KCNN3: variants seen among roughly 807,000 people sequenced by gnomAD.
KCNN3 encodes potassium calcium-activated channel subfamily N member 3, also known as small conductance calcium-activated potassium channel protein 3.
Under a neutral mutation model 62.9 loss-of-function variants are expected in KCNN3, and 16 were observed. The ratio of observed to expected loss-of-function variants is 0.25; its 90% CI spans 0.17 to 0.39. KCNN3 has a LOEUF of 0.39. Among genes scored for constraint, KCNN3 ranks in the 10% least tolerant of loss-of-function variants. The probability of loss-of-function intolerance (pLI) is 1.00; values close to 1 mark genes in which losing one functional copy is unlikely to be tolerated. For missense variants in KCNN3, 599 were observed against 949.4 expected, an observed-to-expected ratio of 0.63 and a Z score of 4.85; for synonymous variants, 370 against 389.2, an observed-to-expected ratio of 0.95 and a Z score of 0.58.
chr1:154,860,047 A>G (rs1489261139), intron 1 of KCNN3, among the ~76,000 whole-genome samples: 1 of 152,188 alleles, frequency 6.6e-6, no homozygotes, highest in African/African-American at 2.4e-5. Flanking sequence ...CACAAAGGGC[A>G]AGCCCTGGGC....
intron 6 of KCNN3, among the ~76,000 whole-genome samples, chr1:154,714,051 G>GGT (rs780964707): frequency 1.4e-4 from 10 of 73,966 alleles, no homozygotes; most frequent in South Asian, 4.4e-4. Flanking sequence ...GTGTGTGCGG[G>GGT]GTGTGTGTGT....
intron 3 of KCNN3, among the ~76,000 whole-genome samples, chr1:154,743,853 T>G (rs978556061): frequency 2.0e-5 from 3 of 152,220 alleles, no homozygotes; most frequent in Non-Finnish European, 2.9e-5. Context: ...GTTCAGTGCA[T>G]TTTCAACTTA....
At chr1:154,819,056 A>C (rs1481859824) in intron 2 of KCNN3, among the ~76,000 whole-genome samples, 1 of 152,186 alleles carries the variant, frequency 6.6e-6, no homozygotes, top group Non-Finnish European at 1.5e-5. Context: ...CCCAAAGGGG[A>C]GATGCGGCAG....
Position 154,827,323 on chromosome 1 carries a change from C to T in KCNN3, c.934-5139G>A, listed in dbSNP as rs137884387. 3.4e-3 allele frequency among the ~76,000 whole-genome samples: 519 copies of T among 152,218 alleles called. 3 individuals carry two copies. Among genetic ancestry groups the T allele is most frequent in the African/African-American group, 0.011 (468 of 41,526 alleles). ...GCCCCTCTTCCGCTAAAGGGAAGAC[C>T]GCATCACTGGTCGCTGTTCTCCATG... On this transcript the variant is annotated intron_variant, in intron 1 of 7. Coordinates refer to ENST00000271915, the MANE Select transcript of KCNN3 (RefSeq NM_002249.6).
chr1:154,864,702 A>T (rs554243829), intron 1 of KCNN3, among the ~76,000 whole-genome samples: 56 of 151,948 alleles, frequency 3.7e-4, no homozygotes, highest in Non-Finnish European at 8.8e-5. Flanking sequence ...CTTCACACCA[A>T]CTCCTCTCTG....
In KCNN3 at chr1:154,862,796, T is replaced by C. The variant is rs1445811835; in HGVS notation, c.933+6236A>G. Among the ~76,000 whole-genome samples the C allele has an allele frequency of 2.6e-5, 4 of 152,260 alleles. No homozygotes were observed. In the East Asian group the frequency reaches 7.7e-4, roughly 29 times the overall value. On this transcript the variant is annotated intron_variant, in intron 1 of 7. Transcript: ENST00000271915. The surrounding 1 kb of genome is among the most constrained non-coding windows in gnomAD (Gnocchi z 4.1). ...CTCCCGCCCTCCATCAAGCCCTTCC[T>C]GCCCAGCTCGTGGTAAAGTTCCTCC...
chr1:154,830,889 CA>C (rs1651354995), intron 1 of KCNN3, among the ~76,000 whole-genome samples: 1 of 152,182 alleles, frequency 6.6e-6, no homozygotes, highest in South Asian at 2.1e-4. Context: ...CCCAAAATAT[CA>C]AGTCAGACGG....
chr1:154,731,060 C>T (rs1232262575), intron 4 of KCNN3, among the ~76,000 whole-genome samples: 4 of 152,084 alleles, frequency 2.6e-5, no homozygotes, highest in Admixed American at 6.5e-5. Context: ...GGGAAAAGGT[C>T]GGTATTTTAA....
chr1:154,783,056 C>CA lies in KCNN3; in HGVS notation c.1030-10664dup, dbSNP rs1418178237. Among the ~76,000 whole-genome samples the CA allele has an allele frequency of 5.3e-4, 81 of 151,980 alleles. 1 individual carries two copies. Among genetic ancestry groups the CA allele is most frequent in the Middle Eastern group, 6.8e-3 (2 of 294 alleles). On this transcript the variant is annotated intron_variant, in intron 2 of 7. Transcript: ENST00000271915. ...TGAAACCCCATCTCTACTAAAAATA[C>CA]AAAAAAACTAGCCGGGCGTGGTGGT...
intron 1 of KCNN3, among the ~76,000 whole-genome samples, chr1:154,867,450 C>G (rs911876265): frequency 6.6e-6 from 1 of 152,164 alleles, no homozygotes; most frequent in African/African-American, 2.4e-5. Flanking sequence ...CTGGAGGACC[C>G]TCTGCCTGGA....
intron 3 of KCNN3, among the ~76,000 whole-genome samples, chr1:154,766,311 C>T (rs1017387833): frequency 1.0e-4 from 15 of 150,346 alleles, no homozygotes; most frequent in African/African-American, 3.4e-4. Context: ...TGGGCTCCTA[C>T]CAATTAAAAA....
chr1:154,733,278 A>G (rs1700637358), intron 3 of KCNN3, 134 bp from the exon 4 acceptor site: 1 of 926,384 alleles, frequency 1.1e-6, no homozygotes, highest in Non-Finnish European at 1.7e-6. Context: ...GCTCACACAG[A>G]TCTCTTTAGG....
At chr1:154,734,944 G>A (rs1011723868) in intron 3 of KCNN3, among the ~76,000 whole-genome samples, 1 of 152,152 alleles carries the variant, frequency 6.6e-6, no homozygotes, top group African/African-American at 2.4e-5. Context: ...GAATAATGAG[G>A]AAGCTTCAGT....
chr1:154,733,726 A>G (rs1387486347), intron 3 of KCNN3, among the ~76,000 whole-genome samples: 2 of 152,138 alleles, frequency 1.3e-5, no homozygotes, highest in African/African-American at 2.4e-5. Flanking sequence ...TGAGTCAGAC[A>G]GGGGCTTGTA....
chr1:154,831,092 T>C (rs1230918723), intron 1 of KCNN3, among the ~76,000 whole-genome samples: 1 of 152,242 alleles, frequency 6.6e-6, no homozygotes, highest in Non-Finnish European at 1.5e-5. Context: ...ATGTTTGCCA[T>C]GTGCCAGGCA....
intron 3 of KCNN3, 74 bp downstream of exon 3, chr1:154,771,901 C>A (rs780760816): frequency 4.6e-5 from 67 of 1,472,368 alleles, no homozygotes; most frequent in Non-Finnish European, 6.0e-5. Flanking sequence ...CCACATACTT[C>A]CTGGCACCCC....
At chr1:154,771,899 T>A in intron 3 of KCNN3, 76 bp downstream of exon 3, 1 of 1,463,580 alleles carries the variant, frequency 6.8e-7, no homozygotes, top group South Asian at 1.1e-5. Flanking sequence ...GACCACATAC[T>A]TCCTGGCACC....
chr1:154,767,545 C>T (rs1441835558), intron 3 of KCNN3, among the ~76,000 whole-genome samples: 1 of 152,256 alleles, frequency 6.6e-6, no homozygotes, highest in Non-Finnish European at 1.5e-5. Flanking sequence ...CACTGCACTG[C>T]TCAAGGCACG....
At chr1:154,829,612 G>A (rs1303051222) in intron 1 of KCNN3, among the ~76,000 whole-genome samples, 1 of 152,198 alleles carries the variant, frequency 6.6e-6, no homozygotes, top group Non-Finnish European at 1.5e-5. Flanking sequence ...GAGCCAGCCA[G>A]GCATCATGAG....
Sources: allele counts gnomAD v4.1 joint callset (sites outside exome capture counted in the v4.1 genomes callset), GRCh38; gene constraint gnomAD v4.1.1; non-coding constraint Gnocchi (gnomAD v3.1); transcripts MANE v1.5; gene names NCBI Gene and HGNC (gene_info 2026-07-23, HGNC 2026-07-21).